The following ZCCHC14 variants were observed in gnomAD, a reference collection of about 807,000 sequenced individuals.
ZCCHC14 encodes zinc finger CCHC domain-containing protein 14.
Under a neutral mutation model 85.0 loss-of-function variants are expected in ZCCHC14, and 16 were observed. The observed-to-expected ratio is 0.19, with a 90% CI of 0.13 to 0.29. The LOEUF (loss-of-function observed/expected upper bound fraction) is 0.29. Ranked by LOEUF, ZCCHC14 falls within the 10% of genes least tolerant of loss-of-function variation. The probability of loss-of-function intolerance (pLI) is 1.00; values close to 1 mark genes in which losing one functional copy is unlikely to be tolerated. For missense variants in ZCCHC14, 1,303 were observed against 1,443.5 expected (o/e 0.90, Z 1.58); for synonymous variants, 775 against 630.7 (o/e 1.23, Z -3.43).
In ZCCHC14 at chr16:87,423,926, T is replaced by A. The variant is rs116893862; in HGVS notation, c.769-45A>T. Reference sequence around the variant, plus strand: ...ACAAACCTTAGAAACAGACACCACATACTTGGTTCCCAGCACGTGTCCTGG... The same window carrying A: ...ACAAACCTTAGAAACAGACACCACAAACTTGGTTCCCAGCACGTGTCCTGG... On this transcript the variant is annotated intron_variant, in intron 3 of 12. Transcript: ENST00000671377. The A allele has an allele frequency of 6.6e-4, 1,053 of 1,602,434 alleles. 31 individuals carry two copies. In the East Asian group the frequency reaches 0.023, roughly 35 times the overall value.
intron 2 of ZCCHC14, among the ~76,000 whole-genome samples, chr16:87,433,686 AG>A (rs1225629304): frequency 6.6e-6 from 1 of 150,412 alleles, no homozygotes; most frequent in Non-Finnish European, 1.5e-5. Flanking sequence ...TTTTTTTTTG[AG>A]ACGGAGTCTC....
intron 6 of ZCCHC14, 100 bp downstream of exon 6, chr16:87,419,683 G>A (rs1174467277): frequency 1.2e-5 from 12 of 993,454 alleles, no homozygotes; most frequent in South Asian, 2.0e-5. Context: ...TGATCCGCCC[G>A]CCTCAGCCTC....
intron 4 of ZCCHC14, among the ~76,000 whole-genome samples, chr16:87,421,890 T>G (rs948455615): frequency 2.6e-5 from 4 of 151,668 alleles, no homozygotes; most frequent in African/African-American, 9.7e-5. Context: ...CACGGTCATC[T>G]AAACATGTCT....
chr16:87,482,676 C>G (rs867097412), intron 1 of ZCCHC14, among the ~76,000 whole-genome samples: 5 of 152,162 alleles, frequency 3.3e-5, no homozygotes, highest in Admixed American at 1.3e-4. Context: ...ACGCAGGGTC[C>G]AGAAGTGAAC....
Position 87,491,550 on chromosome 16 carries a change from A to G in ZCCHC14, c.570+119T>C. ...GGTGCAGGTTGGAGACCTGGGTGGG[A>G]GCTCTCAGTGCAGGCTGGAGGCGTG... On this transcript the variant is annotated intron_variant, in intron 1 of 12. Coordinates refer to ENST00000671377, the MANE Select transcript of ZCCHC14 (RefSeq NM_015144.3). The surrounding 1 kb of genome is among the most constrained non-coding windows in gnomAD (Gnocchi z 5.9). The G allele has an allele frequency of 1.1e-6, 1 of 896,298 alleles. No individual in the cohort carries two copies. Among genetic ancestry groups the G allele is most frequent in the Non-Finnish European group, 1.5e-6 (1 of 669,936 alleles). 55.5% of individuals were successfully genotyped at this position (896,298 alleles called of 1,614,324 possible). A position where few individuals can be genotyped will look rare whatever the true frequency, so the allele number is the denominator to read the frequency against.
At chr16:87,448,342 C>G (rs1260484010) in intron 2 of ZCCHC14, among the ~76,000 whole-genome samples, 1 of 152,160 alleles carries the variant, frequency 6.6e-6, no homozygotes, top group Non-Finnish European at 1.5e-5. Flanking sequence ...TGTTGTTCTC[C>G]TTTGAAAACG....
chr16:87,424,545 T>C (rs1012184450), intron 3 of ZCCHC14, among the ~76,000 whole-genome samples: 1 of 152,150 alleles, frequency 6.6e-6, no homozygotes, highest in African/African-American at 2.4e-5. Context: ...GCGGGCGGTG[T>C]CACTGCATGG....
At chr16:87,411,388 C>A (rs115789663) in intron 12 of ZCCHC14, 128 bp downstream of exon 12, 9 of 1,514,566 alleles carry the variant, frequency 5.9e-6, no homozygotes, top group Non-Finnish European at 1.8e-6. Flanking sequence ...GATTTCCACG[C>A]GCTTTCAAAG....
In ZCCHC14 at chr16:87,492,496, CCGGGG is replaced by C. The variant is rs921102314; in HGVS notation, c.-263_-259del. On this transcript the variant is annotated 5_prime_UTR_variant, in exon 1 of 13. Transcript: ENST00000671377. The surrounding 1 kb of genome is among the most constrained non-coding windows in gnomAD (Gnocchi z 6.7). Reference sequence around the variant, plus strand: ...GGGGGGCCCGGGGCGGCCGGGGCGGCCGGGGGCGGCGAGCGGCCTCGGGCCCCCCG... The same window carrying C: ...GGGGGGCCCGGGGCGGCCGGGGCGGCGCGGCGAGCGGCCTCGGGCCCCCCG... 1.4e-5 allele frequency: 2 copies of C among 145,010 alleles called. No homozygotes were observed. The highest frequency in any genetic ancestry group is 3.1e-5 in the Non-Finnish European group (2 of 65,414). 9.0% of individuals were successfully genotyped at this position (145,010 alleles called of 1,614,324 possible).
intron 1 of ZCCHC14, among the ~76,000 whole-genome samples, chr16:87,486,260 G>A (rs369996801): frequency 5.3e-5 from 8 of 151,642 alleles, no homozygotes; most frequent in African/African-American, 1.7e-4. Flanking sequence ...GCACGGTCAC[G>A]CACTGCATAA....
intron 1 of ZCCHC14, among the ~76,000 whole-genome samples, chr16:87,468,781 G>A (rs1266205690): frequency 6.6e-6 from 1 of 152,212 alleles, no homozygotes; most frequent in Non-Finnish European, 1.5e-5. Context: ...GACCAGCGAT[G>A]CTGTTAAACA....
In ZCCHC14 at chr16:87,455,683, T is replaced by G. The variant is rs1463146220; in HGVS notation, c.694+4325A>C. On this transcript the variant is annotated intron_variant, in intron 2 of 12. Transcript: ENST00000671377. ...CTACAGGCAACCAGCTTAAAAATAG[T>G]AAGTACAGATGGTCCCTGACTGAAG... Among the ~76,000 whole-genome samples the G allele has an allele frequency of 2.0e-5, 3 of 152,320 alleles. No individual in the cohort carries two copies. In the East Asian group the frequency reaches 5.8e-4, roughly 29 times the overall value.
chr16:87,412,868 T>C lies in ZCCHC14; in HGVS notation c.1853A>G (p.Asn618Ser). Reference protein sequence around the residue: ...RPTAQVLPVQNEASSNPSGHH... With the variant: ...RPTAQVLPVQSEASSNPSGHH... Reference sequence around the variant, plus strand: ...GCCTGATGGATTGGAGCTGGCCTCATTCTGCACAGGGAGAACCTGGGCCGT... The same window carrying C: ...GCCTGATGGATTGGAGCTGGCCTCACTCTGCACAGGGAGAACCTGGGCCGT... The change falls in exon 12 of 13, where the codon AAT becomes AGT. Residue 618 changes from asparagine to serine, a missense_variant. Coordinates refer to ENST00000671377, the MANE Select transcript of ZCCHC14 (RefSeq NM_015144.3). The C allele has an allele frequency of 1.2e-6, 2 of 1,607,746 alleles. No homozygotes were observed. The highest frequency in any genetic ancestry group is 1.7e-6 in the Non-Finnish European group (2 of 1,176,470).
At chr16:87,478,204 A>G (rs184186933) in intron 1 of ZCCHC14, among the ~76,000 whole-genome samples, 1 of 152,376 alleles carries the variant, frequency 6.6e-6, no homozygotes, top group Admixed American at 6.5e-5. Flanking sequence ...ACACTGCACG[A>G]CGTGTGGCAC....
In ZCCHC14 at chr16:87,437,519, G is replaced by A. The variant is rs577745137; in HGVS notation, c.695-4318C>T. 4.6e-5 allele frequency among the ~76,000 whole-genome samples: 7 copies of A among 152,312 alleles called. No individual in the cohort carries two copies. The South Asian group carries it at 1.0e-3, about 23-fold the overall frequency. On this transcript the variant is annotated intron_variant, in intron 2 of 12. Coordinates refer to ENST00000671377, the MANE Select transcript of ZCCHC14 (RefSeq NM_015144.3). ...CAGCGCGTGGCAGCCAAGGCCATGA[G>A]GAGGCTCTGCTGGAGCACTGAGGCT...
chr16:87,467,387 C>T, intron 1 of ZCCHC14: 1 of 1,599,822 alleles, frequency 6.3e-7, no homozygotes, highest in East Asian at 2.2e-5. Flanking sequence ...AGAAACTGGG[C>T]ACAGTTTACT....
At chr16:87,457,121 C>T (rs1026043992) in intron 2 of ZCCHC14, among the ~76,000 whole-genome samples, 2 of 152,184 alleles carry the variant, frequency 1.3e-5, no homozygotes, top group Non-Finnish European at 2.9e-5. Flanking sequence ...TCAGAAGCCA[C>T]ACACAGTGAC....
rs769416913 is a variant in ZCCHC14, at chr16:87,477,120, C to CAAAAAAAAA, written c.570+14540_570+14548dup. Among the ~76,000 whole-genome samples the CAAAAAAAAA allele has an allele frequency of 2.8e-3, 113 of 40,520 alleles. 8 individuals are homozygous for CAAAAAAAAA. The highest frequency in any genetic ancestry group is 0.016 in the Middle Eastern group (1 of 62). 26.6% of individuals were successfully genotyped at this position (40,520 alleles called of 152,430 possible). On this transcript the variant is annotated intron_variant, in intron 1 of 12. Transcript: ENST00000671377. ...AGCCTGACAGAGAGAGACTCAGTCT[C>CAAAAAAAAA]AAAAAAAAAAAAAAAAAAAAACAAA...
chr16:87,462,827 T>C (rs1911336541), intron 1 of ZCCHC14, among the ~76,000 whole-genome samples: 1 of 151,792 alleles, frequency 6.6e-6, no homozygotes, highest in Non-Finnish European at 1.5e-5. Context: ...CCCAGCACTT[T>C]GGGAGGCCGA....
Sources: allele counts gnomAD v4.1 joint callset (sites outside exome capture counted in the v4.1 genomes callset), GRCh38; gene constraint gnomAD v4.1.1; non-coding constraint Gnocchi (gnomAD v3.1); transcripts MANE v1.5; gene names NCBI Gene and HGNC (gene_info 2026-07-23, HGNC 2026-07-21).